The following ABCD3 variants were observed in gnomAD, a reference collection of about 807,000 sequenced individuals.
ABCD3 encodes the protein ATP binding cassette subfamily D member 3.
Under a neutral mutation model 105.5 loss-of-function variants are expected in ABCD3, and 41 were observed. The observed-to-expected ratio is 0.39, with a 90% CI of 0.30 to 0.50. The LOEUF (loss-of-function observed/expected upper bound fraction) is 0.50, where lower values mean the gene tolerates loss of function less well. Ranked by LOEUF, ABCD3 falls within the 20% of genes least tolerant of loss-of-function variation. The pLI is 0.84. For synonymous variants in ABCD3, 258 were observed against 269.0 expected (o/e 0.96, Z 0.40); for missense variants, 622 against 806.3 (o/e 0.77, Z 2.77).
At chr1:94,502,644 G>T (rs1159063802) in intron 20 of ABCD3, among the ~76,000 whole-genome samples, 1 of 151,910 alleles carries the variant, frequency 6.6e-6, no homozygotes, top group African/African-American at 2.4e-5. Context: ...TTACAGGCAT[G>T]CACCACCACG....
intron 1 of ABCD3, among the ~76,000 whole-genome samples, chr1:94,421,564 G>A (rs1241029882): frequency 1.4e-5 from 2 of 144,112 alleles, no homozygotes; most frequent in Admixed American, 6.7e-5. Flanking sequence ...GCTATAAGAT[G>A]TGTGTGTGTG....
At chr1:94,501,863 A>G (rs1306394721) in intron 20 of ABCD3, among the ~76,000 whole-genome samples, 1 of 145,840 alleles carries the variant, frequency 6.9e-6, no homozygotes, top group African/African-American at 2.5e-5. Context: ...TTTTTAATCC[A>G]TTTTTGTAAA....
At chr1:94,478,425 AT>A in intron 8 of ABCD3, 110 bp downstream of exon 8, 2 of 1,155,524 alleles carry the variant, frequency 1.7e-6, no homozygotes, top group Non-Finnish European at 2.5e-6. Context: ...CAAAGAATGT[AT>A]TTTCACATGA....
Position 94,498,772 on chromosome 1 carries a change from C to T in ABCD3, c.1465-11C>T. 6.2e-7 allele frequency: 1 copy of T among 1,613,694 alleles called. No individual in the cohort carries two copies. Among genetic ancestry groups the T allele is most frequent in the Non-Finnish European group, 8.5e-7 (1 of 1,179,778 alleles). ...TTACAATTGTTCTTCTCCCTTCTCT[C>T]TCTTTAATAGTTATGGCCTCTTTTT... On this transcript the variant is annotated splice_polypyrimidine_tract_variant and intron_variant, in intron 17 of 22. Transcript: ENST00000370214.
upstream of ABCD3, among the ~76,000 whole-genome samples, chr1:94,414,939 T>A (rs1028547727): frequency 4.6e-5 from 7 of 152,184 alleles, no homozygotes; most frequent in Non-Finnish European, 1.0e-4. Flanking sequence ...GGTTTGAGAT[T>A]ACTCATGAGG....
In ABCD3 at chr1:94,420,559, A is replaced by G. The variant is rs778226810; in HGVS notation, c.110+1971A>G. 2.0e-5 allele frequency among the ~76,000 whole-genome samples: 3 copies of G among 152,286 alleles called. No individual in the cohort carries two copies. The East Asian group carries it at 5.8e-4, about 29-fold the overall frequency. On this transcript the variant is annotated intron_variant, in intron 1 of 22. Coordinates refer to ENST00000370214, the MANE Select transcript of ABCD3 (RefSeq NM_002858.4). ...ATTGGGATGAGTGGGGAAAATCTCT[A>G]TTTTACACAGTATTTTGTTGGAGGA...
At chr1:94,445,818 C>T (rs1403007822) in intron 1 of ABCD3, among the ~76,000 whole-genome samples, 3 of 152,108 alleles carry the variant, frequency 2.0e-5, no homozygotes, top group South Asian at 2.1e-4. Context: ...TATAGCGTTG[C>T]GGTTATTAGC....
intron 9 of ABCD3, chr1:94,482,638 G>C (rs549014421): frequency 6.4e-6 from 1 of 157,446 alleles, no homozygotes; most frequent in African/African-American, 2.4e-5. Context: ...CTCAGGAAAC[G>C]TGGAATTGTT....
In ABCD3 at chr1:94,475,713, C is replaced by T. The variant is rs759899265; in HGVS notation, c.603C>T (p.Val201=). Residue 201 remains valine, a synonymous_variant, in exon 7 of 23, where the codon GTC becomes GTT. Coordinates refer to ENST00000370214, the MANE Select transcript of ABCD3 (RefSeq NM_002858.4). ...TAGAAAAATTTTGTAACAGTGTAGT[C>T]GATCTGTATTCAAATCTTAGTAAGG... is the stretch of plus-strand genomic sequence containing the variant. The part of the protein sequence containing the change: ...QDVEKFCNSV[V]DLYSNLSKPF... 48 of 1,603,918 alleles carry T rather than the reference C, an allele frequency of 3.0e-5. No homozygotes were observed. Among genetic ancestry groups the T allele is most frequent in the Admixed American group, 1.0e-4 (6 of 59,854 alleles).
intron 9 of ABCD3, chr1:94,481,897 C>T (rs1419442980): frequency 6.6e-6 from 1 of 152,108 alleles, no homozygotes; most frequent in African/African-American, 2.4e-5. Flanking sequence ...TGAGGCATTC[C>T]TAAAGCATTA....
intron 1 of ABCD3, among the ~76,000 whole-genome samples, chr1:94,455,300 A>G (rs899249651): frequency 2.6e-5 from 4 of 152,128 alleles, no homozygotes. Context: ...TCTCATAAAG[A>G]AGTTTTTAAG....
At chr1:94,451,463 C>T (rs1647257302) in intron 1 of ABCD3, among the ~76,000 whole-genome samples, 1 of 152,130 alleles carries the variant, frequency 6.6e-6, no homozygotes, top group Non-Finnish European at 1.5e-5. Context: ...AACCAAGTTC[C>T]TTGAGAACAC....
chr1:94,456,982 C>G (rs1460755465), intron 1 of ABCD3, among the ~76,000 whole-genome samples: 1 of 152,128 alleles, frequency 6.6e-6, no homozygotes, highest in Non-Finnish European at 1.5e-5. Context: ...TTTTGATTTG[C>G]ATTTTTCTGA....
the ABCD3 span, among the ~76,000 whole-genome samples, chr1:94,402,841 T>G: frequency 6.6e-6 from 1 of 152,058 alleles, no homozygotes; most frequent in Non-Finnish European, 1.5e-5. Flanking sequence ...TTAGGGTACA[T>G]GTGCACATTG....
chr1:94,472,398 C>G lies in ABCD3; in HGVS notation c.336-1368C>G, dbSNP rs916400422. ...TTGATTGCTTAATGTCTGTAATATTCTTATTGCTATAAACAACATTTTTGT... is the reference window on the plus strand; with the variant it reads ...TTGATTGCTTAATGTCTGTAATATTGTTATTGCTATAAACAACATTTTTGT... On this transcript the variant is annotated intron_variant, in intron 4 of 22. Coordinates refer to ENST00000370214, the MANE Select transcript of ABCD3 (RefSeq NM_002858.4). Among the ~76,000 whole-genome samples the G allele has an allele frequency of 5.4e-5, 8 of 149,104 alleles. No homozygotes were observed. The South Asian group carries it at 1.7e-3, about 31-fold the overall frequency.
At chr1:94,432,412 A>T (rs1341052705) in intron 1 of ABCD3, among the ~76,000 whole-genome samples, 1 of 152,202 alleles carries the variant, frequency 6.6e-6, no homozygotes, top group Non-Finnish European at 1.5e-5. Context: ...AAAGGCATGG[A>T]GTTAATGGAG....
chr1:94,460,012 G>A (rs539115211), intron 2 of ABCD3, among the ~76,000 whole-genome samples: 1 of 152,152 alleles, frequency 6.6e-6, no homozygotes, highest in Admixed American at 6.5e-5. Context: ...ATCAGTTGGT[G>A]GACATTTAGG....
intron 3 of ABCD3, 57 bp from the exon 4 acceptor site, chr1:94,467,862 T>C (rs538153726): frequency 2.3e-6 from 3 of 1,285,924 alleles, no homozygotes; most frequent in African/African-American, 2.9e-5. Context: ...CAAGGTAATA[T>C]TTCTTTGAAC....
At chr1:94,482,533 A>G (rs1649077140) in intron 9 of ABCD3, 1 of 152,504 alleles carries the variant, frequency 6.6e-6, no homozygotes, top group Non-Finnish European at 1.5e-5. Context: ...AACCTTTACA[A>G]ATTTACTTAA....
Sources: allele counts gnomAD v4.1 joint callset (sites outside exome capture counted in the v4.1 genomes callset), GRCh38; gene constraint gnomAD v4.1.1; transcripts MANE v1.5; gene names NCBI Gene and HGNC (gene_info 2026-07-23, HGNC 2026-07-21).